Variants in FAM110C observed in about 807,000 individuals in gnomAD.
FAM110C encodes protein FAM110C.
Under a neutral mutation model 15.7 loss-of-function variants are expected in FAM110C, and 19 were observed. That is an observed-to-expected ratio of 1.21 (90% CI 0.85 to 1.78). The LOEUF (loss-of-function observed/expected upper bound fraction) is 1.78. Ranked by LOEUF, FAM110C falls within the 40% of genes most tolerant of loss-of-function variation. FAM110C has a pLI of 0.00. For synonymous variants in FAM110C, 275 were observed against 233.9 expected (o/e 1.18, Z -1.61); for missense variants, 547 against 495.7 (o/e 1.10, Z -0.98).
At position 39,670 on chromosome 2, in the gene FAM110C, T is replaced by C. The variant is rs1664075411; in HGVS notation, c.*1938A>G. The C allele has an allele frequency of 6.6e-6, 1 of 152,208 alleles. No homozygotes were observed. The highest frequency in any genetic ancestry group is 2.4e-5 in the African/African-American group (1 of 41,458). The allele number at this position is 152,208 out of a possible 1,614,324, so 9.4% of individuals were successfully genotyped here. ...CTTGGTGGCTTTAGTGGAAACCATT[T>C]GGTTTTTACATTTTTCACCTATGAT... On this transcript the variant is annotated 3_prime_UTR_variant, in exon 2 of 2. Transcript: ENST00000327669.
At chr2:43,707 G>C (rs1009146518) in intron 1 of FAM110C, 20 of 985,246 alleles carry the variant, frequency 2.0e-5, no homozygotes, top group Non-Finnish European at 6.0e-6. Context: ...GGTTTCATTT[G>C]TATGCCACAT....
chr2:44,337 C>A (rs911001509), intron 1 of FAM110C: 1 of 985,050 alleles, frequency 1.0e-6, no homozygotes, highest in African/African-American at 1.7e-5. Context: ...AAAGTCATAG[C>A]CAGAGAAATT....
chr2:46,167 G>T lies in FAM110C; in HGVS notation c.219C>A (p.Asn73Lys). 1.4e-6 allele frequency: 2 copies of T among 1,403,868 alleles called. No homozygotes were observed. Among genetic ancestry groups the T allele is most frequent in the Non-Finnish European group, 1.8e-6 (2 of 1,085,590 alleles). 87.0% of individuals were successfully genotyped at this position (1,403,868 alleles called of 1,614,324 possible). The change falls in exon 1 of 2, where the codon AAC becomes AAA. Residue 73 changes from asparagine to lysine, a missense_variant. Physicochemically the swap from Asn to Lys is moderately conservative, Grantham distance 94. Coordinates refer to ENST00000327669, the MANE Select transcript of FAM110C (RefSeq NM_001077710.3). ...GGGCGCGGGCCGGGGGCCCAGGGTCGTTCCCCGGGCACTTGATCGCCCCCG... is the reference window on the plus strand; with the variant it reads ...GGGCGCGGGCCGGGGGCCCAGGGTCTTTCCCCGGGCACTTGATCGCCCCCG... ...SGPGAIKCPGNDPGPPARAPA... is the reference protein window; with the variant it reads ...SGPGAIKCPGKDPGPPARAPA...
Position 41,619 on chromosome 2 carries a change from G to C in FAM110C, c.955C>G (p.Pro319Ala). The C allele has an allele frequency of 6.2e-7, 1 of 1,613,464 alleles. No homozygotes were observed. Among genetic ancestry groups the C allele is most frequent in the African/African-American group, 1.3e-5 (1 of 74,998 alleles). Residue 319 changes from proline (P) to alanine (A), a missense_variant, in exon 2 of 2, where the codon CCT (proline) becomes GCT (alanine). Pro to Ala is a conservative substitution (Grantham distance 27). Transcript: ENST00000327669. ...TCAAGAAGTCTTCATCATCGGGAAG[G>C]TTTGCTTCCTGAGGAGTTAAAGAAA... ...QEQSRTRGSK[P>A]SR
intron 1 of FAM110C, chr2:43,398 A>T (rs1664181740): frequency 2.1e-5 from 21 of 985,440 alleles, no homozygotes; most frequent in Non-Finnish European, 2.5e-5. Context: ...GGGAGGAAGA[A>T]GCCCATGAGC....
chr2:44,267 C>A (rs577330179), intron 1 of FAM110C: 1 of 985,210 alleles, frequency 1.0e-6, no homozygotes, highest in East Asian at 1.1e-4. Flanking sequence ...AGTCCTGAGC[C>A]TTCTGAGTTC....
chr2:45,965 C>A lies in FAM110C; in HGVS notation c.421G>T (p.Gly141Ter), dbSNP rs1008526918. Residue 141 changes from glycine to a stop codon, truncating the protein, a stop_gained, in exon 1 of 2, where the codon GGA becomes TGA. Transcript: ENST00000327669. LOFTEE classifies it high-confidence loss of function. ...GKDKAPVPRT[G>*]DEGKAGNPET... ...GGGTTCCCGGCCTTGCCCTCGTCTC[C>A]CGTCCGGGGCACCGGCGCCTTGTCC... The A allele has an allele frequency of 6.9e-7, 1 of 1,446,118 alleles. No individual in the cohort carries two copies. 89.6% of individuals were successfully genotyped at this position (1,446,118 alleles called of 1,614,324 possible).
chr2:43,048 T>C, intron 1 of FAM110C: 1 of 985,174 alleles, frequency 1.0e-6, no homozygotes, highest in Non-Finnish European at 1.2e-6. Context: ...TGCTGGGAGG[T>C]GGGGAGCTGT....
intron 1 of FAM110C, chr2:44,356 T>C: frequency 1.0e-6 from 1 of 985,412 alleles, no homozygotes; most frequent in Non-Finnish European, 1.2e-6. Flanking sequence ...TTATTGGAGA[T>C]ATTTTTAGCT....
At chr2:44,729 C>A in intron 1 of FAM110C, 1 of 985,382 alleles carries the variant, frequency 1.0e-6, no homozygotes, top group Non-Finnish European at 1.2e-6. Context: ...GAGGTTACTT[C>A]CTGTAGTGTC....
intron 1 of FAM110C, chr2:43,214 AC>A: frequency 1.0e-6 from 1 of 985,472 alleles, no homozygotes; most frequent in Non-Finnish European, 1.2e-6. Flanking sequence ...CTAGGGAAGT[AC>A]ATTAGTAAAG....
intron 1 of FAM110C, chr2:43,561 G>T (rs1664185552): frequency 2.0e-6 from 2 of 985,360 alleles, no homozygotes; most frequent in Non-Finnish European, 2.4e-6. Flanking sequence ...AGGTCTTTAG[G>T]ATTTAGTCTA....
chr2:45,528 G>A lies in FAM110C; in HGVS notation c.858C>T (p.Val286=). The change falls in exon 1 of 2, where the codon GTC becomes GTT. Residue 286 remains valine (V), a synonymous_variant. Transcript: ENST00000327669. ...LIEQVPSTTS[V]IERNARIIKW... is the part of the protein sequence containing the mutation. ...TGATGATGCGGGCGTTCCTCTCGAT[G>A]ACCGAAGTGGTGCTGGGCACCTGCT... The A allele has an allele frequency of 1.2e-6, 2 of 1,614,106 alleles. No individual in the cohort carries two copies. The highest frequency in any genetic ancestry group is 1.7e-6 in the Non-Finnish European group (2 of 1,180,022).
rs1251295015 is a variant in FAM110C, at chr2:40,266, C to CA, written c.*1341dup. On this transcript the variant is annotated 3_prime_UTR_variant, in exon 2 of 2. Transcript: ENST00000327669. ...TCTAAGTAACCCAATGACCTACTCT[C>CA]ACGGTAAAATAGTTACGAAAAAAGA... The CA allele has an allele frequency of 6.6e-6, 1 of 152,114 alleles. No homozygotes were observed. Among genetic ancestry groups the CA allele is most frequent in the Non-Finnish European group, 1.5e-5 (1 of 68,030 alleles). The allele number at this position is 152,114 out of a possible 1,614,324, so 9.4% of individuals were successfully genotyped here.
intron 1 of FAM110C, chr2:44,585 G>A (rs1175143401): frequency 1.0e-6 from 1 of 985,296 alleles, no homozygotes; most frequent in African/African-American, 1.7e-5. Flanking sequence ...GCCCTGAAAA[G>A]GTTCTTTCTC....
chr2:42,071 C>T (rs1279725097), intron 1 of FAM110C: 9 of 985,400 alleles, frequency 9.1e-6, no homozygotes, highest in Non-Finnish European at 9.6e-6. Context: ...GCGCGGGTCA[C>T]ACGACAGGGA....
At chr2:44,562 G>A (rs938313174) in intron 1 of FAM110C, 23 of 985,284 alleles carry the variant, frequency 2.3e-5, no homozygotes, top group East Asian at 1.1e-4. Flanking sequence ...TAAATTGTTC[G>A]TTCTCAAAGA....
rs1156381344 is a variant in FAM110C at position 40,898 on chromosome 2, T to A, written c.*710A>T. The A allele has an allele frequency of 6.6e-6, 1 of 152,230 alleles. No homozygotes were observed. The highest frequency in any genetic ancestry group is 1.5e-5 in the Non-Finnish European group (1 of 68,050). The allele number at this position is 152,230 out of a possible 1,614,324, so 9.4% of individuals were successfully genotyped here. A position where few individuals can be genotyped will look rare whatever the true frequency, so the allele number is the denominator to read the frequency against. On this transcript the variant is annotated 3_prime_UTR_variant, in exon 2 of 2. Transcript: ENST00000327669. ...CAATAAAAGGTTTTGTTTATCAGTA[T>A]TTAAACTCTAACTTATCTTTTAATG...
chr2:45,960 G>T lies in FAM110C; in HGVS notation c.426C>A (p.Asp142Glu), dbSNP rs1558182739. The T allele has an allele frequency of 6.9e-7, 1 of 1,441,534 alleles. No individual in the cohort carries two copies. The allele number at this position is 1,441,534 out of a possible 1,614,324, so 89.3% of individuals were successfully genotyped here. The change falls in exon 1 of 2, where the codon GAC becomes GAA. Residue 142 changes from aspartate to glutamate, a missense_variant. Transcript: ENST00000327669. Reference sequence around the variant, plus strand: ...TCTCCGGGTTCCCGGCCTTGCCCTCGTCTCCCGTCCGGGGCACCGGCGCCT... The same window carrying T: ...TCTCCGGGTTCCCGGCCTTGCCCTCTTCTCCCGTCCGGGGCACCGGCGCCT... ...KDKAPVPRTG[D>E]EGKAGNPETV... is the part of the protein sequence containing the mutation.
Sources: gnomAD v4.1 joint callset for allele counts on GRCh38, gnomAD v4.1.1 for gene constraint, MANE v1.5 for transcripts, NCBI Gene and HGNC (gene_info 2026-07-23, HGNC 2026-07-21) for gene names.